ASXL1: variants seen among roughly 807,000 people sequenced by gnomAD.
The protein encoded by ASXL1 is polycomb group protein ASXL1.
ASXL1 carries 65 observed loss-of-function variants against 89.1 expected under a neutral mutation model. The ratio of observed to expected loss-of-function variants is 0.73; its 90% confidence interval spans 0.60 to 0.90. The LOEUF (loss-of-function observed/expected upper bound fraction) is 0.90. Ranked by LOEUF, ASXL1 falls within the 40% of genes least tolerant of loss-of-function variation. ASXL1 has a pLI of 0.00. For synonymous variants in ASXL1, 739 were observed against 746.9 expected (o/e 0.99, Z 0.17); for missense variants, 1,786 against 1,942.9 (o/e 0.92, Z 1.52).
Position 32,373,232 on chromosome 20 carries a change from C to T in ASXL1, c.252+4109C>T, listed in dbSNP as rs919494717. On this transcript the variant is annotated intron_variant, in intron 4 of 12. Coordinates refer to ENST00000375687, the MANE Select transcript of ASXL1 (RefSeq NM_015338.6). ...TCTCTACGAAAAATACAAAAATTAG[C>T]CGGGCGTGGTTGTGCACGCCTGTAA... Among the ~76,000 whole-genome samples the T allele has an allele frequency of 4.2e-4, 63 of 151,548 alleles. 1 individual carries two copies. Among genetic ancestry groups the T allele is most frequent in the African/African-American group, 1.5e-3 (63 of 41,298 alleles).
Position 32,372,209 on chromosome 20 carries a change from C to T in ASXL1, c.252+3086C>T, listed in dbSNP as rs1374693885. 7 of 1,345,094 alleles carry T rather than the reference C, an allele frequency of 5.2e-6. No homozygotes were observed. The African/African-American group carries it at 1.0e-4, about 20-fold the overall frequency. The allele number at this position is 1,345,094 out of a possible 1,614,324, so 83.3% of individuals were successfully genotyped here. A position where few individuals can be genotyped will look rare whatever the true frequency, so the allele number is the denominator to read the frequency against. The stretch of plus-strand genomic sequence containing the variant: ...CCCCTTCATCTTAATTTTAATATAT[C>T]TTTGAATAAACACCATTGTATGAAC... On this transcript the variant is annotated intron_variant, in intron 4 of 12. Coordinates refer to ENST00000375687, the MANE Select transcript of ASXL1 (RefSeq NM_015338.6).
At chr20:32,359,197 G>C in intron 1 of ASXL1, 1 of 697,148 alleles carries the variant, frequency 1.4e-6, no homozygotes, top group Non-Finnish European at 2.6e-6. Context: ...CGGGGGAGTT[G>C]GGTTTCCGGG....
At chr20:32,398,142 TTAAA>T (rs1403180548) in intron 4 of ASXL1, among the ~76,000 whole-genome samples, 1 of 152,266 alleles carries the variant, frequency 6.6e-6, no homozygotes, top group Non-Finnish European at 1.5e-5. Context: ...ATTCATGTTG[TTAAA>T]TGAATCAATA....
Position 32,434,873 on chromosome 20 carries a change from C to T in ASXL1, c.2161C>T (p.Leu721=), listed in dbSNP as rs747601560. 8.7e-6 allele frequency: 14 copies of T among 1,614,064 alleles called. No individual in the cohort carries two copies. In the Admixed American group the frequency reaches 2.0e-4, roughly 23 times the overall value. The change falls in exon 13 of 13, where the codon CTG becomes TTG. Residue 721 remains leucine (L), a synonymous_variant. Transcript: ENST00000375687. ...CATGTCCAGAGCTAGGAGAGAGGAC[C>T]TGCCTTCTCTGAGAAAGGAGGAAAG... ...TAMSRARRED[L]PSLRKEESCL...
At chr20:32,377,187 G>A (rs1055005692) in intron 4 of ASXL1, among the ~76,000 whole-genome samples, 1 of 135,726 alleles carries the variant, frequency 7.4e-6, no homozygotes, top group African/African-American at 2.7e-5. Flanking sequence ...ATATATTATA[G>A]ATATATCTAT....
chr20:32,430,499 G>A (rs937176204), intron 8 of ASXL1: 1 of 240,620 alleles, frequency 4.2e-6, no homozygotes, highest in Admixed American at 5.2e-5. Flanking sequence ...GTTGAATTTT[G>A]GGGATGCAAA....
intron 4 of ASXL1, among the ~76,000 whole-genome samples, chr20:32,418,094 C>T (rs1409391791): frequency 6.6e-6 from 1 of 152,086 alleles, no homozygotes; most frequent in Admixed American, 6.6e-5. Flanking sequence ...AGGAGAATTG[C>T]TTGAACCCGG....
At chr20:32,401,545 T>TG (rs1555907087) in intron 4 of ASXL1, among the ~76,000 whole-genome samples, 89 of 3,950 alleles carry the variant, frequency 0.023, no homozygotes, top group Non-Finnish European at 0.041. Flanking sequence ...TGTGTGTGTG[T>TG]TTTTTCCCCC....
chr20:32,371,989 CTGT>C, intron 4 of ASXL1: 4 of 552,756 alleles, frequency 7.2e-6, no homozygotes, highest in Non-Finnish European at 1.2e-5. Flanking sequence ...ACAAATATGC[CTGT>C]TAATGGTATA....
rs2011447830 is a variant in ASXL1 at position 32,429,379 on chromosome 20, A to G, written c.513A>G (p.Arg171=). 1.2e-6 allele frequency: 2 copies of G among 1,614,080 alleles called. No homozygotes were observed. Among genetic ancestry groups the G allele is most frequent in the Non-Finnish European group, 1.7e-6 (2 of 1,180,034 alleles). Residue 171 remains arginine, a synonymous_variant, in exon 7 of 13, where the codon CGA becomes CGG. Transcript: ENST00000375687. This position sits in a 1 kb window ranked among gnomAD's most constrained non-coding sequence, Gnocchi z 4.9. ...AAAAGACTGGGGTGATGCTGCCTCG[A>G]GTTGTCCTGACTCCTCTGAAGGTAA... The part of the protein sequence containing the change: ...QKKKTGVMLP[R]VVLTPLKVNG...
At chr20:32,417,611 A>T (rs938544790) in intron 4 of ASXL1, among the ~76,000 whole-genome samples, 4 of 152,192 alleles carry the variant, frequency 2.6e-5, no homozygotes, top group Non-Finnish European at 4.4e-5. Flanking sequence ...TAGGATTTTC[A>T]TGAGAAAATT....
intron 1 of ASXL1, 110 bp downstream of exon 1, chr20:32,358,942 G>GCGGGGC (rs1289721562): frequency 1.3e-5 from 15 of 1,170,870 alleles, no homozygotes; most frequent in Non-Finnish European, 1.7e-5. Flanking sequence ...GCGGGAGGGG[G>GCGGGGC]CGGGGCCATC....
Position 32,433,382 on chromosome 20 carries a change from T to G in ASXL1, c.1184T>G (p.Ile395Arg). 6.2e-7 allele frequency: 1 copy of G among 1,614,146 alleles called. No homozygotes were observed. Among genetic ancestry groups the G allele is most frequent in the Admixed American group, 1.7e-5 (1 of 60,012 alleles). ...GLCVPGESVR[I>R]QRGPATRQRD... is the part of the protein sequence containing the mutation. ...TGTGTCCCAGGAGAATCAGTGCGTA[T>G]ACAGCGTGGTCCAGCCACCCGACAG... The change falls in exon 12 of 13, where the codon ATA becomes AGA. Residue 395 changes from isoleucine (I) to arginine (R), a missense_variant. By Grantham distance (97) the Ile-to-Arg change is moderately conservative. Coordinates refer to ENST00000375687, the MANE Select transcript of ASXL1 (RefSeq NM_015338.6).
Position 32,420,797 on chromosome 20 carries a change from CA to C in ASXL1, c.253-7321del, listed in dbSNP as rs561022009. ...CAACTACAGTTTTTAAAAGACAACTCAAAAAAAAAATGGGTGAAAGACTTGA... is the reference window on the plus strand; with the variant it reads ...CAACTACAGTTTTTAAAAGACAACTCAAAAAAAAATGGGTGAAAGACTTGA... On this transcript the variant is annotated intron_variant, in intron 4 of 12. Transcript: ENST00000375687. 1.7e-3 allele frequency among the ~76,000 whole-genome samples: 247 copies of C among 144,866 alleles called. 2 individuals carry two copies. Among genetic ancestry groups the C allele is most frequent in the Admixed American group, 2.6e-3 (38 of 14,536 alleles).
At position 32,379,846 on chromosome 20, in the gene ASXL1, A is replaced by C. The variant is rs796819926; in HGVS notation, c.252+10723A>C. The stretch of plus-strand genomic sequence containing the variant: ...GTCTCAAAAAAAGAAAAAAATAAAA[A>C]AGATGTCAGTTATGGCTATTTGTAC... On this transcript the variant is annotated intron_variant, in intron 4 of 12. Transcript: ENST00000375687. Among the ~76,000 whole-genome samples, 18 of 152,134 alleles carry C rather than the reference A, an allele frequency of 1.2e-4. 1 individual carries two copies. The South Asian group carries it at 3.7e-3, about 32-fold the overall frequency.
intron 1 of ASXL1, among the ~76,000 whole-genome samples, chr20:32,364,467 C>T (rs2122795577): frequency 6.6e-6 from 1 of 152,146 alleles, no homozygotes; most frequent in Admixed American, 6.5e-5. Flanking sequence ...ATCTGCCCAC[C>T]TTGGCCTCCC....
intron 4 of ASXL1, among the ~76,000 whole-genome samples, chr20:32,379,186 T>G (rs1212961712): frequency 4.3e-5 from 2 of 46,066 alleles, no homozygotes; most frequent in East Asian, 2.2e-3. Context: ...TTTTTTTTTT[T>G]TTTTTTTTTT....
At chr20:32,359,222 C>T in intron 1 of ASXL1, 1 of 700,850 alleles carries the variant, frequency 1.4e-6, no homozygotes, top group South Asian at 1.5e-5. Context: ...GTCGGAAGCT[C>T]CTCCCTCGCT....
At position 32,369,142 on chromosome 20, in the gene ASXL1, C is replaced by T. The variant is rs766921536; in HGVS notation, c.252+19C>T. 8 of 1,577,072 alleles carry T rather than the reference C, an allele frequency of 5.1e-6. No homozygotes were observed. The South Asian group carries it at 5.5e-5, about 11-fold the overall frequency. ...GCTCAAGGTAAGTGATATGAACTCT[C>T]TTTTGGTGCAGTGATTCTTGGACTT... On this transcript the variant is annotated intron_variant, in intron 4 of 12. Transcript: ENST00000375687.
Sources: allele counts gnomAD v4.1 joint callset (sites outside exome capture counted in the v4.1 genomes callset), GRCh38; gene constraint gnomAD v4.1.1; non-coding constraint Gnocchi (gnomAD v3.1); transcripts MANE v1.5; gene names NCBI Gene and HGNC (gene_info 2026-07-23, HGNC 2026-07-21).